Variants in PHF14 observed in about 807,000 individuals in gnomAD.
PHF14 encodes PHD finger protein 14.
PHF14 carries 55 observed loss-of-function variants against 117.9 expected under a neutral mutation model. That is an observed-to-expected ratio of 0.47 (90% CI 0.38 to 0.58). PHF14 has a LOEUF of 0.58. PHF14 is among the 20% of genes least tolerant of loss of function. The probability of loss-of-function intolerance (pLI) is 0.00; values close to 1 mark genes in which losing one functional copy is unlikely to be tolerated. For synonymous variants in PHF14, 409 were observed against 368.6 expected (o/e 1.11, Z -1.26); for missense variants, 978 against 1,122.2 (o/e 0.87, Z 1.84).
intron 17 of PHF14, among the ~76,000 whole-genome samples, chr7:11,137,742 C>T (rs1186965718): frequency 1.7e-4 from 26 of 151,850 alleles, no homozygotes; most frequent in African/African-American, 4.6e-4. Flanking sequence ...CCTGCCACCA[C>T]GCCTGGCTAA....
intron 17 of PHF14, among the ~76,000 whole-genome samples, chr7:11,155,208 A>G (rs1347525158): frequency 6.6e-6 from 1 of 152,148 alleles, no homozygotes; most frequent in African/African-American, 2.4e-5. Flanking sequence ...AGATGAGAAA[A>G]CTAGGTTCTA....
intron 14 of PHF14, among the ~76,000 whole-genome samples, chr7:11,058,318 T>C (rs1333995714): frequency 6.6e-6 from 1 of 152,186 alleles, no homozygotes; most frequent in Admixed American, 6.5e-5. Context: ...TCAAGTACAC[T>C]ACTTTCAAGA....
intron 17 of PHF14, among the ~76,000 whole-genome samples, chr7:11,155,117 G>A (rs938897994): frequency 6.6e-6 from 1 of 152,104 alleles, no homozygotes; most frequent in African/African-American, 2.4e-5. Context: ...TGCTTTCTGT[G>A]GGCCAGGATT....
At chr7:11,017,145 G>A (rs191396670) in intron 5 of PHF14, among the ~76,000 whole-genome samples, 6 of 152,170 alleles carry the variant, frequency 3.9e-5, no homozygotes, top group Admixed American at 2.0e-4. Context: ...TATCGGATTC[G>A]TCTGTTGGTG....
In PHF14 at chr7:11,036,263, G is replaced by A. The variant is rs186349742; in HGVS notation, c.1603-155G>A. Among the ~76,000 whole-genome samples, 79 of 152,272 alleles carry A rather than the reference G, an allele frequency of 5.2e-4. No individual in the cohort carries two copies. In the East Asian group the frequency reaches 0.012, roughly 23 times the overall value. On this transcript the variant is annotated intron_variant, in intron 8 of 17. Coordinates refer to ENST00000634607, the MANE Select transcript of PHF14 (RefSeq NM_001007157.2). ...TTTATTGTAACTCAAAAATTATACA[G>A]TATACCTTAAGGATCATTCATACCT...
intron 4 of PHF14, among the ~76,000 whole-genome samples, chr7:11,003,274 C>T (rs1437664922): frequency 1.3e-5 from 2 of 152,170 alleles, no homozygotes; most frequent in East Asian, 1.9e-4. Flanking sequence ...ACGCTAATAG[C>T]AGGACTCTCT....
In PHF14 at chr7:10,990,740, C is replaced by G. The variant is rs1186151564; in HGVS notation, c.938C>G (p.Ser313Cys). The G allele has an allele frequency of 1.9e-6, 3 of 1,563,486 alleles. No homozygotes were observed. The highest frequency in any genetic ancestry group is 2.6e-6 in the Non-Finnish European group (3 of 1,150,722). The change falls in exon 4 of 18, where the codon TCT (serine) becomes TGT (cysteine). Residue 313 changes from serine (S) to cysteine (C), a missense_variant. Around this residue, in one of 7 missense-constraint regions of PHF14, gnomAD observed 414 missense variants for 376.4 expected, o/e 1.10. Transcript: ENST00000634607. ...CTTGAGAAGAGTCAAAACTGGAGCT[C>G]TCAAAAAATGGACCATATTCTGATT... Reference protein sequence around the residue: ...LILEKSQNWSSQKMDHILICC... With the variant: ...LILEKSQNWSCQKMDHILICC...
intron 17 of PHF14, among the ~76,000 whole-genome samples, chr7:11,141,982 T>A (rs1448190395): frequency 6.6e-6 from 1 of 151,988 alleles, no homozygotes; most frequent in Non-Finnish European, 1.5e-5. Flanking sequence ...CAAATGGCCA[T>A]ATTTTGAATA....
chr7:11,061,729 T>C (rs1373577753), intron 14 of PHF14, 62 bp from the exon 15 acceptor site: 2 of 1,208,986 alleles, frequency 1.7e-6, no homozygotes, highest in Non-Finnish European at 1.1e-6. Flanking sequence ...TATTTATTAT[T>C]AATTAAACAT....
chr7:11,133,082 A>G (rs1400103712), intron 17 of PHF14, among the ~76,000 whole-genome samples: 1 of 151,936 alleles, frequency 6.6e-6, no homozygotes, highest in Non-Finnish European at 1.5e-5. Flanking sequence ...AAGCTATTCC[A>G]TGTTCATTGA....
Position 11,061,713 on chromosome 7 carries a change from A to C in PHF14, c.2482-78A>C, listed in dbSNP as rs75766306. On this transcript the variant is annotated intron_variant, in intron 14 of 17. Transcript: ENST00000634607. The stretch of plus-strand genomic sequence containing the variant: ...CTAAGCAATAACATTTAACAGAGGA[A>C]ATTTATATTTATTATTAATTAAACA... 1.1e-4 allele frequency: 117 copies of C among 1,112,768 alleles called. 1 individual carries two copies. The East Asian group carries it at 2.3e-3, about 22-fold the overall frequency. 68.9% of individuals were successfully genotyped at this position (1,112,768 alleles called of 1,614,324 possible).
chr7:11,061,532 CA>C (rs905267820), intron 14 of PHF14: 38 of 248,028 alleles, frequency 1.5e-4, no homozygotes, highest in African/African-American at 7.1e-4. Context: ...TTGGAGAATT[CA>C]TTTTTTTTCT....
rs1583470264 is a variant in PHF14 at position 11,106,169 on chromosome 7, G to A, written c.2655-5181G>A. 7.2e-5 allele frequency: 71 copies of A among 980,882 alleles called. 1 individual carries two copies. The highest frequency in any genetic ancestry group is 8.0e-5 in the Non-Finnish European group (66 of 826,272). The allele number at this position is 980,882 out of a possible 1,614,324, so 60.8% of individuals were successfully genotyped here. On this transcript the variant is annotated intron_variant, in intron 16 of 17. Transcript: ENST00000634607. ...TGTTTCACATTTAATCTTGTAATCT[G>A]GCTGCCACAGATATAGCTAACTGAA... is the stretch of plus-strand genomic sequence containing the variant.
chr7:11,061,688 C>A, intron 14 of PHF14, 103 bp from the exon 15 acceptor site: 2 of 863,362 alleles, frequency 2.3e-6, no homozygotes, highest in Non-Finnish European at 3.3e-6. Context: ...AGTGCCTAAC[C>A]TAAGCAATAA....
At chr7:11,145,220 T>A (rs1298028534) in intron 17 of PHF14, among the ~76,000 whole-genome samples, 1 of 152,068 alleles carries the variant, frequency 6.6e-6, no homozygotes, top group African/African-American at 2.4e-5. Context: ...CTGATATTTT[T>A]AAAATGTGGT....
intron 4 of PHF14, among the ~76,000 whole-genome samples, chr7:11,010,921 T>C (rs1783332536): frequency 6.6e-6 from 1 of 152,238 alleles, no homozygotes; most frequent in Non-Finnish European, 1.5e-5. Context: ...TCCCAAAGCA[T>C]TGGGATTGCA....
At position 11,042,821 on chromosome 7, in the gene PHF14, A is replaced by C. The variant is rs1784541054; in HGVS notation, c.2312+7A>C. The C allele has an allele frequency of 6.5e-7, 1 of 1,548,852 alleles. No homozygotes were observed. The highest frequency in any genetic ancestry group is 8.8e-7 in the Non-Finnish European group (1 of 1,137,960). On this transcript the variant is annotated splice_region_variant and intron_variant, in intron 13 of 17. Transcript: ENST00000634607. Reference sequence around the variant, plus strand: ...AGACCAAAAACAGTTATTGGTGAGTAAAATAGAGGAGATTTAGATGTTTGA... The same window carrying C: ...AGACCAAAAACAGTTATTGGTGAGTCAAATAGAGGAGATTTAGATGTTTGA...
At chr7:11,143,321 G>T (rs1788449697) in intron 17 of PHF14, among the ~76,000 whole-genome samples, 1 of 151,912 alleles carries the variant, frequency 6.6e-6, no homozygotes, top group Non-Finnish European at 1.5e-5. Flanking sequence ...AGGTCTCATT[G>T]TGTTGTCCAG....
chr7:10,995,629 C>T (rs911514039), intron 4 of PHF14, among the ~76,000 whole-genome samples: 1 of 152,190 alleles, frequency 6.6e-6, no homozygotes, highest in Non-Finnish European at 1.5e-5. Context: ...GCTCAGGCCA[C>T]GCAGGAGCCC....
Sources: allele counts gnomAD v4.1 joint callset (sites outside exome capture counted in the v4.1 genomes callset), GRCh38; gene constraint gnomAD v4.1.1; regional missense constraint gnomAD v4.1.1; transcripts MANE v1.5; gene names NCBI Gene and HGNC (gene_info 2026-07-23, HGNC 2026-07-21).